PDE6C: variants seen among roughly 807,000 people sequenced by gnomAD.
PDE6C encodes the protein phosphodiesterase 6C, also known as cone cGMP-specific 3',5'-cyclic phosphodiesterase subunit alpha'.
In PDE6C, 75 loss-of-function variants were observed where a neutral mutation model predicts 113.1. The ratio of observed to expected loss-of-function variants is 0.66; its 90% CI spans 0.55 to 0.80. PDE6C has a LOEUF of 0.80. Ranked by LOEUF, PDE6C falls within the 30% of genes least tolerant of loss-of-function variation. The pLI is 0.00. For missense variants in PDE6C, 912 were observed against 1,038.6 expected, an observed-to-expected ratio of 0.88 and a Z score of 1.67; for synonymous variants, 375 against 363.7, an observed-to-expected ratio of 1.03 and a Z score of -0.35.
intron 14 of PDE6C, among the ~76,000 whole-genome samples, chr10:93,644,845 C>T (rs1361749184): frequency 1.6e-5 from 2 of 126,054 alleles, no homozygotes; most frequent in African/African-American, 5.3e-5. Flanking sequence ...ATATATAGTA[C>T]ATATATATAG....
intron 1 of PDE6C, among the ~76,000 whole-genome samples, chr10:93,617,825 T>G (rs2058426871): frequency 6.6e-6 from 1 of 152,124 alleles, no homozygotes; most frequent in Admixed American, 6.6e-5. Context: ...TGGTGCACAT[T>G]TCTGGTATTT....
chr10:93,631,064 C>G (rs1243537911), intron 8 of PDE6C, among the ~76,000 whole-genome samples: 1 of 152,210 alleles, frequency 6.6e-6, no homozygotes. Flanking sequence ...GCAGGCTGCT[C>G]TGAAATGTGA....
rs1589699756 is a variant in PDE6C, at chr10:93,640,316, T to G, written c.1629+100T>G. The G allele has an allele frequency of 2.3e-6, 3 of 1,333,152 alleles. No homozygotes were observed. The South Asian group carries it at 3.5e-5, about 16-fold the overall frequency. 82.6% of individuals were successfully genotyped at this position (1,333,152 alleles called of 1,614,324 possible). On this transcript the variant is annotated intron_variant, in intron 12 of 21. Coordinates refer to ENST00000371447, the MANE Select transcript of PDE6C (RefSeq NM_006204.4). ...GATGGACTCAGTTTGAATTTTAAATTATTATTAACTTTCTAAATACATCAG... is the reference window on the plus strand; with the variant it reads ...GATGGACTCAGTTTGAATTTTAAATGATTATTAACTTTCTAAATACATCAG...
chr10:93,622,446 ATAT>A (rs1308422411), intron 4 of PDE6C, among the ~76,000 whole-genome samples: 1 of 152,002 alleles, frequency 6.6e-6, no homozygotes. Context: ...CAATATTGAT[ATAT>A]TATTATTAAC....
intron 16 of PDE6C, among the ~76,000 whole-genome samples, chr10:93,658,309 ATATCT>A (rs540358439): frequency 1.3e-5 from 2 of 152,136 alleles, no homozygotes; most frequent in South Asian, 4.2e-4. Context: ...GTGTGAGATA[ATATCT>A]TATTGTTCAA....
intron 16 of PDE6C, among the ~76,000 whole-genome samples, chr10:93,658,021 T>A (rs1046662303): frequency 6.6e-6 from 1 of 151,064 alleles, no homozygotes; most frequent in Non-Finnish European, 1.5e-5. Flanking sequence ...AATTAAAAAA[T>A]TAGCCAGGCA....
At chr10:93,645,938 TG>T in intron 14 of PDE6C, 21 bp from the exon 15 acceptor site, 1 of 1,427,194 alleles carries the variant, frequency 7.0e-7, no homozygotes. Context: ...GCTAGAATCA[TG>T]GCATGTTGTT....
intron 4 of PDE6C, among the ~76,000 whole-genome samples, chr10:93,622,650 GT>G (rs71031523): frequency 0.67 from 71,750 of 107,426 alleles, 20,459 homozygotes; most frequent in South Asian, 0.75. Context: ...TTTTTTTTTT[GT>G]TTTTTTTTTT....
intron 12 of PDE6C, 103 bp from the exon 13 acceptor site, chr10:93,640,347 C>A: frequency 8.1e-7 from 1 of 1,234,742 alleles, no homozygotes; most frequent in Non-Finnish European, 1.2e-6. Context: ...ATCAGCTTAA[C>A]CCCTATCTAC....
At chr10:93,653,681 A>G (rs1329298969) in intron 15 of PDE6C, among the ~76,000 whole-genome samples, 3 of 151,828 alleles carry the variant, frequency 2.0e-5, no homozygotes, top group African/African-American at 2.4e-5. Context: ...CAAAAACAAA[A>G]AAAAACATTG....
At chr10:93,632,034 T>C (rs868045933) in intron 8 of PDE6C, among the ~76,000 whole-genome samples, 1 of 152,208 alleles carries the variant, frequency 6.6e-6, no homozygotes, top group Non-Finnish European at 1.5e-5. Flanking sequence ...TTCATCTCCT[T>C]GCCTTTTCCA....
At chr10:93,649,357 C>G (rs1404582913) in intron 15 of PDE6C, among the ~76,000 whole-genome samples, 1 of 152,076 alleles carries the variant, frequency 6.6e-6, no homozygotes, top group Non-Finnish European at 1.5e-5. Flanking sequence ...TACATAAGCC[C>G]ACTATAAAAA....
chr10:93,648,719 A>G (rs12251269), intron 15 of PDE6C, among the ~76,000 whole-genome samples: 14,019 of 152,210 alleles, frequency 0.092, 971 homozygotes, highest in African/African-American at 0.19. Context: ...CAAATGAATG[A>G]GTGGAAAACT....
At chr10:93,651,242 A>T (rs1326217) in intron 15 of PDE6C, among the ~76,000 whole-genome samples, 95,305 of 152,090 alleles carry the variant, frequency 0.63, 31,167 homozygotes, top group African/African-American at 0.83. Context: ...CAATTTGTTG[A>T]CTCAAACATT....
At chr10:93,647,142 G>A (rs936556903) in intron 15 of PDE6C, among the ~76,000 whole-genome samples, 7 of 152,260 alleles carry the variant, frequency 4.6e-5, no homozygotes, top group Admixed American at 3.9e-4. Flanking sequence ...AGTTGTGGAT[G>A]TTGTCTAATT....
At chr10:93,657,376 G>A (rs1180652938) in intron 16 of PDE6C, among the ~76,000 whole-genome samples, 2 of 115,166 alleles carry the variant, frequency 1.7e-5, no homozygotes, top group Non-Finnish European at 3.4e-5. Flanking sequence ...TAGAGATGGG[G>A]TTTCACCATG....
chr10:93,646,963 G>C (rs1383363648), intron 15 of PDE6C, among the ~76,000 whole-genome samples: 1 of 152,216 alleles, frequency 6.6e-6, no homozygotes, highest in Non-Finnish European at 1.5e-5. Context: ...GACAGTGGCA[G>C]CGGAAAGGGG....
chr10:93,665,316 T>C (rs1012690465), intron 21 of PDE6C, 44 bp from the exon 22 acceptor site: 1 of 1,354,120 alleles, frequency 7.4e-7, no homozygotes, highest in Non-Finnish European at 1.1e-6. Flanking sequence ...AAACACTGTA[T>C]ATCCACTAAC....
rs1381923913 is a variant in PDE6C, at chr10:93,663,120, T to G, written c.2460T>G (p.Asp820Glu). The change falls in exon 21 of 22, where the codon GAT (aspartate) becomes GAG (glutamate). Residue 820 changes from aspartate to glutamate, a missense_variant. Coordinates refer to ENST00000371447, the MANE Select transcript of PDE6C (RefSeq NM_006204.4). ...GGAAATCACTAGCTGATGAGTATGA[T>G]GCAAAGATGAAGGTCATTGAAGAGG... Reference protein sequence around the residue: ...VEWKSLADEYDAKMKVIEEEA... With the variant: ...VEWKSLADEYEAKMKVIEEEA... 5 of 1,613,546 alleles carry G rather than the reference T, an allele frequency of 3.1e-6. No homozygotes were observed. The highest frequency in any genetic ancestry group is 1.7e-6 in the Non-Finnish European group (2 of 1,179,798).
Sources: allele counts gnomAD v4.1 joint callset (sites outside exome capture counted in the v4.1 genomes callset), GRCh38; gene constraint gnomAD v4.1.1; transcripts MANE v1.5; gene names NCBI Gene and HGNC (gene_info 2026-07-23, HGNC 2026-07-21).